The following USP26 variants were observed in gnomAD, a reference collection of about 807,000 sequenced individuals.
USP26 encodes the protein ubiquitin carboxyl-terminal hydrolase 26.
For missense variants in USP26, 649 were observed against 642.3 expected (o/e 1.01, Z -0.11); for synonymous variants, 236 against 240.6 (o/e 0.98, Z 0.18).
chrX:133,060,448 C>A (rs2067490562), intron 5 of USP26, among the ~76,000 whole-genome samples: 1 of 111,564 alleles, frequency 9.0e-6, no homozygotes, highest in Non-Finnish European at 1.9e-5. Flanking sequence ...AAAGAAAAAT[C>A]CTTCTTCTTA....
intron 4 of USP26, among the ~76,000 whole-genome samples, chrX:133,086,663 G>A (rs955149995): frequency 1.8e-5 from 2 of 110,779 alleles, no homozygotes; most frequent in Non-Finnish European, 1.9e-5. Flanking sequence ...TGTAATCCCA[G>A]CACTTTGGGA....
intron 5 of USP26, among the ~76,000 whole-genome samples, chrX:133,036,316 TCCTCCCCTTTCCCCCCA>T (rs779056004): frequency 1.8e-3 from 194 of 110,034 alleles, no homozygotes; most frequent in African/African-American, 6.2e-3. Flanking sequence ...CTAATGCTCT[TCCTCCCCTTTCCCCCCA>T]CCCACCAGCA....
intron 5 of USP26, among the ~76,000 whole-genome samples, chrX:133,063,024 A>G (rs1422524123): frequency 9.0e-6 from 1 of 111,400 alleles, no homozygotes; most frequent in East Asian, 2.8e-4. Context: ...CAGTTTAGAG[A>G]AGAACAAAAA....
At position 133,026,199 on chromosome X, in the gene USP26, AC is replaced by A. The variant is rs1254159662; in HGVS notation, c.2021del (p.Gly674ValfsTer29). On this transcript the variant is annotated frameshift_variant, in exon 6 of 6. Coordinates refer to ENST00000511190, the MANE Select transcript of USP26 (RefSeq NM_031907.3). LOFTEE classifies it low-confidence loss of function (END_TRUNC). Reference sequence around the variant, plus strand: ...GTGTGCCTGGGCTGCTGGCAGGTTTACCTCCAGCTTTGTGGAACTGACAAAG... The same window carrying A: ...GTGTGCCTGGGCTGCTGGCAGGTTTACTCCAGCTTTGTGGAACTGACAAAG... The part of the protein sequence containing the change: ...TSLCQFHKAG[G>X]KPASSPGTPL... 4 of 1,207,477 alleles carry A rather than the reference AC, an allele frequency of 3.3e-6. No individual in the cohort carries two copies. The highest frequency in any genetic ancestry group is 4.5e-6 in the Non-Finnish European group (4 of 894,807).
chrX:133,026,443 TC>T lies in USP26; in HGVS notation c.1777del (p.Glu593AsnfsTer46). On this transcript the variant is annotated frameshift_variant, in exon 6 of 6. Coordinates refer to ENST00000511190, the MANE Select transcript of USP26 (RefSeq NM_031907.3). LOFTEE classifies it low-confidence loss of function (END_TRUNC). ...NISVSWPATK[E>X]SKDILAPHIG... ...GTGTGGAGCCAGGATATCTTTGGAT[TC>T]CTTTGTTGCAGGCCATGATACACTG... The T allele has an allele frequency of 8.3e-7, 1 of 1,209,019 alleles. No homozygotes were observed. Among genetic ancestry groups the T allele is most frequent in the South Asian group, 1.8e-5 (1 of 56,781 alleles).
intron 5 of USP26, among the ~76,000 whole-genome samples, chrX:133,081,183 G>A (rs1370228640): frequency 1.8e-5 from 2 of 110,564 alleles, no homozygotes. Flanking sequence ...TAAAACACCT[G>A]CAGTGGAGCC....
intron 5 of USP26, among the ~76,000 whole-genome samples, chrX:133,030,926 T>C (rs2067374107): frequency 8.9e-6 from 1 of 112,067 alleles, no homozygotes. Flanking sequence ...AGAAGGGTCG[T>C]TAGGCTCAAT....
In USP26 at chrX:133,025,404, A is replaced by C. The variant is rs2067341286; in HGVS notation, c.*75T>G. ...ATTTTCATCTCTGGATAAAGTTCAC[A>C]GTTTTCCTTCCATGGAGGAAGTGGT... On this transcript the variant is annotated 3_prime_UTR_variant, in exon 6 of 6. Transcript: ENST00000511190. 8.3e-7 allele frequency: 1 copy of C among 1,199,177 alleles called. No individual in the cohort carries two copies. Among genetic ancestry groups the C allele is most frequent in the Admixed American group, 2.2e-5 (1 of 44,764 alleles).
chrX:133,095,100 AAAAAAAAAAAAG>A (rs200028410), intron 1 of USP26, among the ~76,000 whole-genome samples: 3,141 of 108,213 alleles, frequency 0.029, 71 homozygotes, highest in East Asian at 0.1. Flanking sequence ...TGTCAAAAAA[AAAAAAAAAAAAG>A]AAAGAAAGAA....
intron 5 of USP26, among the ~76,000 whole-genome samples, chrX:133,054,659 CT>C (rs1317863320): frequency 2.5e-4 from 28 of 111,531 alleles, no homozygotes; most frequent in Non-Finnish European, 4.1e-4. Flanking sequence ...ACCTCATTCT[CT>C]TAATTTATCA....
chrX:133,039,779 T>G (rs776293349), intron 5 of USP26, among the ~76,000 whole-genome samples: 1 of 111,723 alleles, frequency 9.0e-6, no homozygotes, highest in South Asian at 3.8e-4. Flanking sequence ...CCGTCTAATA[T>G]CGACAGTGGT....
chrX:133,062,008 C>A (rs955338014), intron 5 of USP26, among the ~76,000 whole-genome samples: 1 of 111,796 alleles, frequency 8.9e-6, no homozygotes, highest in African/African-American at 3.3e-5. Context: ...AGCTAAGAAC[C>A]ACTGGCTTGA....
chrX:133,030,024 G>A (rs774680329), intron 5 of USP26, among the ~76,000 whole-genome samples: 3 of 111,855 alleles, frequency 2.7e-5, no homozygotes, highest in African/African-American at 6.5e-5. Flanking sequence ...AAACTAAAAT[G>A]TATTGTTTCT....
intron 5 of USP26, among the ~76,000 whole-genome samples, chrX:133,082,912 A>G (rs1413150): frequency 0.03 from 3,364 of 112,132 alleles, 75 homozygotes; most frequent in East Asian, 0.1. Context: ...AATAATCATT[A>G]CAGCCCTTGA....
intron 5 of USP26, among the ~76,000 whole-genome samples, chrX:133,032,315 C>A (rs992578132): frequency 2.7e-5 from 3 of 111,502 alleles, no homozygotes; most frequent in Non-Finnish European, 5.6e-5. Flanking sequence ...CAATATGCAG[C>A]AGGGTGTTGA....
At chrX:133,077,728 T>C (rs1052611680) in intron 5 of USP26, among the ~76,000 whole-genome samples, 9 of 111,530 alleles carry the variant, frequency 8.1e-5, no homozygotes, top group African/African-American at 2.9e-4. Context: ...CTCATGAATG[T>C]TTTGGTCCTT....
rs1345423915 is a variant in USP26, at chrX:133,025,649, C to T, written c.2572G>A (p.Asp858Asn). 1 of 1,211,366 alleles carries T rather than the reference C, an allele frequency of 8.3e-7. No homozygotes were observed. Among genetic ancestry groups the T allele is most frequent in the Admixed American group, 2.2e-5 (1 of 45,941 alleles). Residue 858 changes from aspartate to asparagine, a missense_variant, in exon 6 of 6, where the codon GAT becomes AAT. Asp to Asn is a conservative substitution (Grantham distance 23). Transcript: ENST00000511190. ...TGGATACCTAACACCCGCATATCAT[C>T]GTAAGTGAACCAGATCTGTTTCTCA... ...DFEKQIWFTY[D>N]DMRVLGIQEA...
At chrX:133,044,478 G>T (rs759777825) in intron 5 of USP26, among the ~76,000 whole-genome samples, 62 of 113,409 alleles carry the variant, frequency 5.5e-4, no homozygotes, top group African/African-American at 1.8e-3. Flanking sequence ...AGAGTGGCTG[G>T]CCGGCCCTGC....
intron 5 of USP26, among the ~76,000 whole-genome samples, chrX:133,048,384 G>A (rs759974783): frequency 9.0e-6 from 1 of 111,494 alleles, no homozygotes; most frequent in East Asian, 2.8e-4. Context: ...GCCATTGAAG[G>A]GGATTTGGCT....
Sources: gnomAD v4.1 joint callset for allele counts (sites outside exome capture counted in the v4.1 genomes callset) on GRCh38, gnomAD v4.1.1 for gene constraint, MANE v1.5 for transcripts, NCBI Gene and HGNC (gene_info 2026-07-23, HGNC 2026-07-21) for gene names.